Variants in PPP2R2C observed in about 807,000 individuals in gnomAD.
PPP2R2C encodes the protein protein phosphatase 2, regulatory subunit B, gamma.
A neutral mutation model predicts 45.3 loss-of-function variants in PPP2R2C; 10 were observed. The ratio of observed to expected loss-of-function variants is 0.22; its 90% confidence interval spans 0.14 to 0.37. PPP2R2C has a LOEUF of 0.37. Among genes scored for constraint, PPP2R2C ranks in the 10% least tolerant of loss-of-function variants. The pLI is 1.00. For missense variants in PPP2R2C, 308 were observed against 619.7 expected (o/e 0.50, Z 5.34); for synonymous variants, 257 against 245.4 (o/e 1.05, Z -0.44).
chr4:6,361,075 G>A (rs1713689710), intron 5 of PPP2R2C, among the ~76,000 whole-genome samples: 1 of 152,198 alleles, frequency 6.6e-6, no homozygotes, highest in African/African-American at 2.4e-5. Context: ...CTGAGGTTCT[G>A]GGAGTTAGGG....
At chr4:6,395,845 T>A (rs781033139) in intron 1 of PPP2R2C, among the ~76,000 whole-genome samples, 13 of 152,174 alleles carry the variant, frequency 8.5e-5, no homozygotes, top group Non-Finnish European at 1.8e-4. Context: ...GCCCCCCAGC[T>A]GCAGGCCTTG....
chr4:6,557,298 A>G (rs1725434636), intron 1 of PPP2R2C, among the ~76,000 whole-genome samples: 1 of 152,144 alleles, frequency 6.6e-6, no homozygotes, highest in South Asian at 2.1e-4. Context: ...ATCTACAACA[A>G]CAGGAACTAT....
chr4:6,540,974 T>C (rs1352342852), intron 1 of PPP2R2C, among the ~76,000 whole-genome samples: 1 of 152,244 alleles, frequency 6.6e-6, no homozygotes, highest in African/African-American at 2.4e-5. Context: ...GTCTATCTGC[T>C]TCTCCATCCA....
At chr4:6,532,929 C>G (rs1395839042) in intron 2 of PPP2R2C, among the ~76,000 whole-genome samples, 1 of 152,010 alleles carries the variant, frequency 6.6e-6, no homozygotes, top group African/African-American at 2.4e-5. Flanking sequence ...GCTCTATTCA[C>G]AGAGTGGGAG....
intron 5 of PPP2R2C, among the ~76,000 whole-genome samples, chr4:6,360,196 G>A (rs1713602645): frequency 6.6e-6 from 1 of 152,230 alleles, no homozygotes; most frequent in African/African-American, 2.4e-5. Context: ...ATTTGCCCAG[G>A]GCCACATGCA....
At chr4:6,356,084 G>C (rs1408816425) in intron 5 of PPP2R2C, among the ~76,000 whole-genome samples, 3 of 149,946 alleles carry the variant, frequency 2.0e-5, no homozygotes, top group South Asian at 2.1e-4. Context: ...GGAAGAACTT[G>C]TTCCTACACT....
intron 1 of PPP2R2C, chr4:6,414,070 C>CTGTGTT: frequency 3.3e-6 from 4 of 1,202,236 alleles, no homozygotes; most frequent in Non-Finnish European, 2.1e-6. Flanking sequence ...TAAGTTTTGC[C>CTGTGTT]TGTGTATGTG....
Position 6,350,239 on chromosome 4 carries a change from G to A in PPP2R2C, c.626-2229C>T, listed in dbSNP as rs1252297176. 3 of 985,340 alleles carry A rather than the reference G, an allele frequency of 3.0e-6. No homozygotes were observed. The African/African-American group carries it at 5.2e-5, about 17-fold the overall frequency. 61.0% of individuals were successfully genotyped at this position (985,340 alleles called of 1,614,324 possible). A position where few individuals can be genotyped will look rare whatever the true frequency, so the allele number is the denominator to read the frequency against. ...ATGCTGATTTCTCCAGCGTCCACCTGGCAGCCCAGCCCTCCCAGGCCGAAT... is the reference window on the plus strand; with the variant it reads ...ATGCTGATTTCTCCAGCGTCCACCTAGCAGCCCAGCCCTCCCAGGCCGAAT... On this transcript the variant is annotated intron_variant, in intron 5 of 8. Coordinates refer to ENST00000382599, the MANE Select transcript of PPP2R2C (RefSeq NM_020416.4).
At chr4:6,534,788 GC>G (rs1338679947) in intron 2 of PPP2R2C, among the ~76,000 whole-genome samples, 1 of 152,134 alleles carries the variant, frequency 6.6e-6, no homozygotes, top group Non-Finnish European at 1.5e-5. Flanking sequence ...CATGGCACTC[GC>G]CCCCAGTCGG....
intron 7 of PPP2R2C, among the ~76,000 whole-genome samples, chr4:6,333,250 G>T (rs1294324977): frequency 6.6e-6 from 1 of 152,180 alleles, no homozygotes; most frequent in Non-Finnish European, 1.5e-5. Context: ...TCGTCTACAT[G>T]CTCCACTGGG....
In PPP2R2C at chr4:6,378,620, C is replaced by T. The variant is rs751993677; in HGVS notation, c.169-48G>A. On this transcript the variant is annotated intron_variant, in intron 2 of 8. Transcript: ENST00000382599. This position sits in a 1 kb window ranked among gnomAD's most constrained non-coding sequence, Gnocchi z 5.2. ...GGCCTGAGCACCGTGACCTGCAGGG[C>T]GACGGCTAGGACCTCCGGGGACCCA... 37 of 1,577,194 alleles carry T rather than the reference C, an allele frequency of 2.3e-5. No individual in the cohort carries two copies. In the South Asian group the frequency reaches 3.6e-4, roughly 16 times the overall value.
chr4:6,554,887 A>AAGG (rs1725313789), intron 1 of PPP2R2C, among the ~76,000 whole-genome samples: 12 of 106,068 alleles, frequency 1.1e-4, no homozygotes, highest in Non-Finnish European at 2.2e-4. Flanking sequence ...AAAGAAAAAG[A>AAGG]AAGGAAGGAA....
intron 1 of PPP2R2C, among the ~76,000 whole-genome samples, chr4:6,554,997 GAGAAA>G (rs1156784539): frequency 6.7e-6 from 1 of 149,818 alleles, no homozygotes; most frequent in African/African-American, 2.4e-5. Flanking sequence ...GAGAAGAGAA[GAGAAA>G]AGAAAAGAAA....
intron 1 of PPP2R2C, among the ~76,000 whole-genome samples, chr4:6,549,302 A>G (rs1189367300): frequency 1.3e-5 from 2 of 150,218 alleles, no homozygotes; most frequent in Admixed American, 1.3e-4. Flanking sequence ...CTTTGGCCAC[A>G]CCAGCCTCCT....
chr4:6,555,002 A>G (rs201351075), intron 1 of PPP2R2C, among the ~76,000 whole-genome samples: 19 of 113,898 alleles, frequency 1.7e-4, no homozygotes, highest in South Asian at 1.0e-3. Flanking sequence ...GAGAAGAGAA[A>G]AGAAAAGAAA....
At chr4:6,375,961 C>T (rs1291013547) in intron 3 of PPP2R2C, 30 bp from the exon 4 acceptor site, 1 of 1,569,676 alleles carries the variant, frequency 6.4e-7, no homozygotes, top group Non-Finnish European at 8.8e-7. Flanking sequence ...TAAAGCGAGT[C>T]ACATAATTAA....
At position 6,547,880 on chromosome 4, in the gene PPP2R2C, A is replaced by G. The variant is rs185414251; in HGVS notation, c.-58-12503T>C. 3.9e-5 allele frequency among the ~76,000 whole-genome samples: 6 copies of G among 152,314 alleles called. 1 individual carries two copies. In the East Asian group the frequency reaches 1.2e-3, roughly 29 times the overall value. ...TTTTAAAAGTCTCAGATAAGCACAT[A>G]AAAAGATGCTCAACATTTTTAACCA... On this transcript the variant is annotated intron_variant, in intron 1 of 9. Transcript: ENST00000506140.
At chr4:6,513,028 A>C (rs1304605999) in intron 2 of PPP2R2C, among the ~76,000 whole-genome samples, 1 of 152,164 alleles carries the variant, frequency 6.6e-6, no homozygotes, top group Admixed American at 6.5e-5. Context: ...TTATTTAACA[A>C]TACAATTAAT....
chr4:6,362,768 C>G (rs766210023), intron 5 of PPP2R2C, among the ~76,000 whole-genome samples: 1 of 152,208 alleles, frequency 6.6e-6, no homozygotes, highest in East Asian at 1.9e-4. Flanking sequence ...CAGGCTGCAA[C>G]TGGGGTTGTT....
Sources: gnomAD v4.1 joint callset for allele counts (sites outside exome capture counted in the v4.1 genomes callset) on GRCh38, gnomAD v4.1.1 for gene constraint, Gnocchi (gnomAD v3.1) non-coding constraint, MANE v1.5 for transcripts, NCBI Gene and HGNC (gene_info 2026-07-23, HGNC 2026-07-21) for gene names.